EXT1: variants seen among roughly 807,000 people sequenced by gnomAD.
EXT1 encodes the protein exostosin-1.
EXT1 carries 20 observed loss-of-function variants against 82.5 expected under a neutral mutation model. The ratio of observed to expected loss-of-function variants is 0.24; its 90% CI spans 0.17 to 0.35. EXT1 has a LOEUF of 0.35. Among genes scored for constraint, EXT1 ranks in the 10% least tolerant of loss-of-function variants. The pLI is 1.00. For synonymous variants in EXT1, 348 were observed against 350.8 expected (o/e 0.99, Z 0.09); for missense variants, 757 against 936.5 (o/e 0.81, Z 2.50).
chr8:118,039,912 A>C (rs748212026), intron 1 of EXT1, among the ~76,000 whole-genome samples: 2 of 152,218 alleles, frequency 1.3e-5, no homozygotes, highest in Non-Finnish European at 2.9e-5. Context: ...AAGTCCATGT[A>C]AGCATTTTGA....
At chr8:117,987,053 C>T (rs1563621638) in intron 1 of EXT1, among the ~76,000 whole-genome samples, 1 of 152,184 alleles carries the variant, frequency 6.6e-6, no homozygotes, top group African/African-American at 2.4e-5. Flanking sequence ...CCTCTTCCCA[C>T]TCACCCTACT....
chr8:118,008,609 C>T (rs779362703), intron 1 of EXT1, among the ~76,000 whole-genome samples: 27 of 152,226 alleles, frequency 1.8e-4, no homozygotes, highest in Middle Eastern at 6.8e-3. Flanking sequence ...GGGATTTCCA[C>T]GCTATTATAT....
chr8:117,808,109 T>G (rs1302603146), intron 8 of EXT1, among the ~76,000 whole-genome samples: 1 of 152,234 alleles, frequency 6.6e-6, no homozygotes, highest in Non-Finnish European at 1.5e-5. Flanking sequence ...CTTCTGAACC[T>G]GCTATAAACC....
At chr8:118,018,440 T>A (rs907772807) in intron 1 of EXT1, among the ~76,000 whole-genome samples, 2 of 152,132 alleles carry the variant, frequency 1.3e-5, no homozygotes, top group African/African-American at 2.4e-5. Flanking sequence ...GCAAGAGATA[T>A]GGAACAGACT....
At chr8:117,955,841 G>A (rs544557722) in intron 1 of EXT1, among the ~76,000 whole-genome samples, 1 of 152,236 alleles carries the variant, frequency 6.6e-6, no homozygotes, top group Non-Finnish European at 1.5e-5. Context: ...ACAGGTGCAG[G>A]ACAATGTGCC....
At chr8:118,102,136 G>A (rs1391643752) in intron 1 of EXT1, among the ~76,000 whole-genome samples, 1 of 151,878 alleles carries the variant, frequency 6.6e-6, no homozygotes, top group African/African-American at 2.4e-5. Flanking sequence ...GTGTGGTGGT[G>A]GGTGCCTGTA....
intron 1 of EXT1, among the ~76,000 whole-genome samples, chr8:118,046,383 C>A (rs768730762): frequency 1.3e-5 from 2 of 152,212 alleles, no homozygotes; most frequent in Non-Finnish European, 2.9e-5. Context: ...GACCCTCACA[C>A]TGGGCCCGGT....
chr8:118,080,903 C>G (rs1444743508), intron 1 of EXT1, among the ~76,000 whole-genome samples: 1 of 152,122 alleles, frequency 6.6e-6, no homozygotes, highest in Non-Finnish European at 1.5e-5. Context: ...CTCCATGTCT[C>G]AGCTTCCTCA....
intron 1 of EXT1, among the ~76,000 whole-genome samples, chr8:117,851,391 A>AT (rs2129830578): frequency 6.6e-6 from 1 of 151,536 alleles, no homozygotes; most frequent in Admixed American, 6.6e-5. Flanking sequence ...AAAAAAAAAA[A>AT]GTGAGGTTTC....
chr8:118,010,154 C>T (rs949843324), intron 1 of EXT1, among the ~76,000 whole-genome samples: 15 of 151,888 alleles, frequency 9.9e-5, no homozygotes, highest in Admixed American at 6.6e-5. Context: ...GGGCGGATCA[C>T]GAGGTCAGGA....
intron 1 of EXT1, among the ~76,000 whole-genome samples, chr8:117,855,961 T>C (rs1270697875): frequency 2.0e-5 from 3 of 152,056 alleles, no homozygotes; most frequent in South Asian, 4.2e-4. Flanking sequence ...TAAGCCACCA[T>C]GCCCGGCCGC....
At chr8:117,965,252 G>A (rs1449328859) in intron 1 of EXT1, among the ~76,000 whole-genome samples, 3 of 151,944 alleles carry the variant, frequency 2.0e-5, no homozygotes, top group Non-Finnish European at 4.4e-5. Flanking sequence ...TAAGCACAGA[G>A]CAATTTTGTA....
chr8:117,858,791 A>AGGCAGGCAGGCAGGCAGGCAGGC (rs1554581729), intron 1 of EXT1, among the ~76,000 whole-genome samples: 1 of 58,474 alleles, frequency 1.7e-5, no homozygotes, highest in Non-Finnish European at 3.2e-5. Flanking sequence ...GCAGGCAGGC[A>AGGCAGGCAGGCAGGCAGGCAGGC]AGGCAAGGCA....
intron 1 of EXT1, among the ~76,000 whole-genome samples, chr8:118,037,019 T>A (rs1460672615): frequency 6.6e-6 from 1 of 152,210 alleles, no homozygotes. Flanking sequence ...AACTGGATTT[T>A]GTTATCCAGG....
Position 118,018,128 on chromosome 8 carries a change from T to C in EXT1, c.962+91957A>G, listed in dbSNP as rs139018380. On this transcript the variant is annotated intron_variant, in intron 1 of 10. Transcript: ENST00000378204. ...GGTGTATGTTACTAGTTGAGCTGTG[T>C]CCTCTGCAAAATTCATAAGTTGAAG... is the stretch of plus-strand genomic sequence containing the variant. 6.9e-4 allele frequency among the ~76,000 whole-genome samples: 105 copies of C among 152,324 alleles called. No individual in the cohort carries two copies. The East Asian group carries it at 0.017, about 25-fold the overall frequency.
At chr8:117,909,296 A>G (rs571173647) in intron 1 of EXT1, among the ~76,000 whole-genome samples, 1 of 152,346 alleles carries the variant, frequency 6.6e-6, no homozygotes, top group South Asian at 2.1e-4. Flanking sequence ...CATTTACAAG[A>G]AAGAAAATTC....
chr8:117,851,616 GACACAC>G lies in EXT1; in HGVS notation c.963-14421_963-14416del, dbSNP rs35686154. Reference sequence around the variant, plus strand: ...CTAAGAAAGCAGTGCAATTTAGCTGGACACACACACACACACACACACACACACACA... The same window carrying G: ...CTAAGAAAGCAGTGCAATTTAGCTGGACACACACACACACACACACACACA... On this transcript the variant is annotated intron_variant, in intron 1 of 10. Coordinates refer to ENST00000378204, the MANE Select transcript of EXT1 (RefSeq NM_000127.3). Among the ~76,000 whole-genome samples, 1,201 of 147,994 alleles carry G rather than the reference GACACAC, an allele frequency of 8.1e-3. 13 individuals carry two copies. The highest frequency in any genetic ancestry group is 0.023 in the African/African-American group (909 of 40,304).
chr8:118,045,472 AT>A (rs895887413), intron 1 of EXT1, among the ~76,000 whole-genome samples: 1 of 152,208 alleles, frequency 6.6e-6, no homozygotes, highest in African/African-American at 2.4e-5. Context: ...GAGGTCCCTC[AT>A]CCCCAAATGT....
intron 1 of EXT1, among the ~76,000 whole-genome samples, chr8:118,105,577 GGAGA>G (rs1283117382): frequency 6.6e-6 from 1 of 152,178 alleles, no homozygotes; most frequent in Admixed American, 6.5e-5. Context: ...GAGAAAGGAA[GGAGA>G]GAATCAGAAT....
Sources: allele counts gnomAD v4.1 joint callset (sites outside exome capture counted in the v4.1 genomes callset), GRCh38; gene constraint gnomAD v4.1.1; transcripts MANE v1.5; gene names NCBI Gene and HGNC (gene_info 2026-07-23, HGNC 2026-07-21).